The following ZNF556 variants were observed in gnomAD, a reference collection of about 807,000 sequenced individuals.
ZNF556 encodes zinc finger protein 556.
ZNF556 carries 11 observed loss-of-function variants against 13.6 expected under a neutral mutation model. The observed-to-expected ratio is 0.81, with a 90% CI of 0.51 to 1.33. ZNF556 has a LOEUF of 1.33. Among genes scored for constraint, ZNF556 ranks in the 40% most tolerant of loss-of-function variants. The probability of loss-of-function intolerance (pLI) is 0.00; values close to 1 mark genes in which losing one functional copy is unlikely to be tolerated. For synonymous variants in ZNF556, 229 were observed against 207.8 expected (o/e 1.10, Z -0.88); for missense variants, 633 against 566.2 (o/e 1.12, Z -1.20).
At position 2,876,255 on chromosome 19, in the gene ZNF556, A is replaced by T. The variant is rs778612263; in HGVS notation, c.293A>T (p.Asn98Ile). ...GAACATAGCGTTAAAGACAAGCACA[A>T]CACCAAGGAGAGACATTTGAGGTGA... ...WEEHSVKDKHNTKERHLSRNP... is the reference protein window; with the variant it reads ...WEEHSVKDKHITKERHLSRNP... Residue 98 changes from asparagine (N) to isoleucine (I), a missense_variant, in exon 3 of 4, where the codon AAC becomes ATC. Coordinates refer to ENST00000307635, the MANE Select transcript of ZNF556 (RefSeq NM_024967.3). 6.3e-7 allele frequency: 1 copy of T among 1,599,532 alleles called. No individual in the cohort carries two copies. Among genetic ancestry groups the T allele is most frequent in the Non-Finnish European group, 8.5e-7 (1 of 1,175,918 alleles).
Position 2,876,531 on chromosome 19 carries a change from C to T in ZNF556, c.314+255C>T, listed in dbSNP as rs550045602. 2.0e-5 allele frequency among the ~76,000 whole-genome samples: 3 copies of T among 152,204 alleles called. No homozygotes were observed. In the South Asian group the frequency reaches 6.2e-4, roughly 32 times the overall value. Reference sequence around the variant, plus strand: ...GGTGAGGAGTTTGTGACCAGCCTGACCGACATGGTGAAACCCTGTCTCTAC... The same window carrying T: ...GGTGAGGAGTTTGTGACCAGCCTGATCGACATGGTGAAACCCTGTCTCTAC... On this transcript the variant is annotated intron_variant, in intron 3 of 3. Transcript: ENST00000307635.
intron 1 of ZNF556, among the ~76,000 whole-genome samples, chr19:2,871,125 C>A (rs1336613271): frequency 6.7e-6 from 1 of 148,202 alleles, no homozygotes. Context: ...GATCACGCCA[C>A]TGCACTCCAG....
At chr19:2,873,462 C>G in intron 1 of ZNF556, 34 bp from the exon 2 acceptor site, 1 of 1,609,994 alleles carries the variant, frequency 6.2e-7, no homozygotes, top group Non-Finnish European at 8.5e-7. Context: ...GAGTTTTACC[C>G]CATCCTCATG....
intron 1 of ZNF556, among the ~76,000 whole-genome samples, chr19:2,867,782 G>T (rs998593603): frequency 6.6e-6 from 1 of 150,570 alleles, no homozygotes; most frequent in African/African-American, 2.4e-5. Context: ...AGCAGAATGC[G>T]CTTTGGATGC....
chr19:2,869,427 C>T (rs895697235), intron 1 of ZNF556, among the ~76,000 whole-genome samples: 2 of 152,084 alleles, frequency 1.3e-5, no homozygotes, highest in African/African-American at 4.8e-5. Context: ...AGTGCAGTGG[C>T]GCGATCTCAG....
At chr19:2,868,781 C>G (rs775084872) in intron 1 of ZNF556, among the ~76,000 whole-genome samples, 1 of 150,886 alleles carries the variant, frequency 6.6e-6, no homozygotes, top group Non-Finnish European at 1.5e-5. Context: ...TGCAATGGCG[C>G]GATCTCTGCT....
rs2087902035 is a variant in ZNF556, at chr19:2,881,148, G to A, written c.*2819G>A. The A allele has an allele frequency of 6.6e-6, 1 of 152,104 alleles. No individual in the cohort carries two copies. The highest frequency in any genetic ancestry group is 2.4e-5 in the African/African-American group (1 of 41,434). 9.4% of individuals were successfully genotyped at this position (152,104 alleles called of 1,614,324 possible). ...CCCAAAGTGCTGGGGTTACAGGCGT[G>A]AGCCACCGCGCCCAGCCTAATAAAT... On this transcript the variant is annotated 3_prime_UTR_variant, in exon 4 of 4. Transcript: ENST00000307635.
Position 2,878,062 on chromosome 19 carries a change from A to G in ZNF556, c.1104A>G (p.Lys368=). 6.2e-7 allele frequency: 1 copy of G among 1,614,146 alleles called. No homozygotes were observed. Among genetic ancestry groups the G allele is most frequent in the Non-Finnish European group, 8.5e-7 (1 of 1,180,022 alleles). The part of the protein sequence containing the change: ...STDVKSQTRE[K]VYKCETCGKT... ...ATGTCAAATCACAAACTAGAGAGAA[A>G]GTCTATAAATGTGAAACGTGTGGGA... The change falls in exon 4 of 4, where the codon AAA becomes AAG. Residue 368 remains lysine, a synonymous_variant. Coordinates refer to ENST00000307635, the MANE Select transcript of ZNF556 (RefSeq NM_024967.3).
rs2087891520 is a variant in ZNF556 at position 2,879,895 on chromosome 19, T to G, written c.*1566T>G. The G allele has an allele frequency of 6.6e-6, 1 of 151,892 alleles. No homozygotes were observed. Among genetic ancestry groups the G allele is most frequent in the African/African-American group, 2.4e-5 (1 of 41,364 alleles). The allele number at this position is 151,892 out of a possible 1,614,324, so 9.4% of individuals were successfully genotyped here. A position where few individuals can be genotyped will look rare whatever the true frequency, so the allele number is the denominator to read the frequency against. ...AATACAAAAAATTAGCCAGGTGTGG[T>G]GGCGGGCGCCTGTAGTCCCAGCTAC... On this transcript the variant is annotated 3_prime_UTR_variant, in exon 4 of 4. Coordinates refer to ENST00000307635, the MANE Select transcript of ZNF556 (RefSeq NM_024967.3).
chr19:2,874,758 A>AAAAAAAAAAAAAG (rs1555725942), intron 2 of ZNF556, among the ~76,000 whole-genome samples: 4 of 130,738 alleles, frequency 3.1e-5, no homozygotes, highest in Non-Finnish European at 6.3e-5. Context: ...AAAAAAAAAA[A>AAAAAAAAAAAAAG]AAAGAAAGAA....
At position 2,877,780 on chromosome 19, in the gene ZNF556, T is replaced by C. The variant is rs778038280; in HGVS notation, c.822T>C (p.Phe274=). 1.2e-6 allele frequency: 2 copies of C among 1,613,466 alleles called. No individual in the cohort carries two copies. Among genetic ancestry groups the C allele is most frequent in the African/African-American group, 2.7e-5 (2 of 74,842 alleles). ...CGKAFRCQKS[F]RVHMIMHAGG... Reference sequence around the variant, plus strand: ...AAGCCTTCAGGTGTCAGAAATCCTTTCGAGTCCATATGATCATGCACGCCG... The same window carrying C: ...AAGCCTTCAGGTGTCAGAAATCCTTCCGAGTCCATATGATCATGCACGCCG... The change falls in exon 4 of 4, where the codon TTT becomes TTC. Residue 274 remains phenylalanine (F), a synonymous_variant. Coordinates refer to ENST00000307635, the MANE Select transcript of ZNF556 (RefSeq NM_024967.3).
At chr19:2,873,735 C>T (rs2087825387) in intron 2 of ZNF556, 113 bp downstream of exon 2, 2 of 1,320,896 alleles carry the variant, frequency 1.5e-6, no homozygotes, top group Non-Finnish European at 2.1e-6. Context: ...AGGAGGATCA[C>T]TTGAGGCTAG....
intron 1 of ZNF556, among the ~76,000 whole-genome samples, chr19:2,871,714 C>G (rs2087804084): frequency 6.6e-6 from 1 of 152,108 alleles, no homozygotes; most frequent in Admixed American, 6.6e-5. Flanking sequence ...GGTTTCTCCC[C>G]ATGTGCAGAG....
intron 2 of ZNF556, among the ~76,000 whole-genome samples, chr19:2,874,181 C>T (rs895465912): frequency 3.9e-5 from 6 of 151,930 alleles, no homozygotes; most frequent in African/African-American, 7.3e-5. Context: ...TGCTTGAACC[C>T]GGGAGGCAGA....
chr19:2,876,136 G>A lies in ZNF556; in HGVS notation c.174G>A (p.Gln58=), dbSNP rs754466112. Residue 58 remains glutamine, a synonymous_variant, in exon 3 of 4, where the codon CAG becomes CAA. Transcript: ENST00000307635. ...QLKASGSISQ[Q]DTSGEKLSLK... is the part of the protein sequence containing the mutation. ...AAGCCAGTGGGTCTATTTCTCAGCA[G>A]GATACTTCTGGAGAAAAATTATCCC... 6.2e-7 allele frequency: 1 copy of A among 1,612,564 alleles called. No homozygotes were observed. Among genetic ancestry groups the A allele is most frequent in the South Asian group, 1.1e-5 (1 of 90,592 alleles).
At chr19:2,868,664 GC>G (rs768031933) in intron 1 of ZNF556, among the ~76,000 whole-genome samples, 16 of 147,880 alleles carry the variant, frequency 1.1e-4, no homozygotes, top group Non-Finnish European at 1.9e-4. Flanking sequence ...TGATCCACCC[GC>G]CTTGGCCTCC....
At chr19:2,876,023 T>A in intron 2 of ZNF556, 70 bp from the exon 3 acceptor site, 1 of 1,318,730 alleles carries the variant, frequency 7.6e-7, no homozygotes, top group South Asian at 1.4e-5. Flanking sequence ...CATGAAACAA[T>A]TAAACACCTG....
chr19:2,876,597 C>T (rs1285527654), intron 3 of ZNF556, among the ~76,000 whole-genome samples: 1 of 151,880 alleles, frequency 6.6e-6, no homozygotes, highest in Non-Finnish European at 1.5e-5. Flanking sequence ...TGGCTGTAAT[C>T]CTAGCTGCTC....
chr19:2,877,800 A>G lies in ZNF556; in HGVS notation c.842A>G (p.His281Arg), dbSNP rs2087869726. ...TCCTTTCGAGTCCATATGATCATGC[A>G]CGCCGGAGGGAGACCGTATGAGTGC... ...QKSFRVHMIM[H>R]AGGRPYECKQ... Residue 281 changes from histidine to arginine, a missense_variant, in exon 4 of 4, where the codon CAC becomes CGC. Transcript: ENST00000307635. The G allele has an allele frequency of 1.2e-6, 2 of 1,614,194 alleles. No individual in the cohort carries two copies. The highest frequency in any genetic ancestry group is 1.3e-5 in the African/African-American group (1 of 75,062).
Sources: allele counts gnomAD v4.1 joint callset (sites outside exome capture counted in the v4.1 genomes callset), GRCh38; gene constraint gnomAD v4.1.1; transcripts MANE v1.5; gene names NCBI Gene and HGNC (gene_info 2026-07-23, HGNC 2026-07-21).